TRIP4: variants seen among roughly 807,000 people sequenced by gnomAD.
The protein encoded by TRIP4 is thyroid hormone receptor interactor 4, also known as activating signal cointegrator 1.
Under a neutral mutation model 81.8 loss-of-function variants are expected in TRIP4, and 54 were observed. The ratio of observed to expected loss-of-function variants is 0.66; its 90% CI spans 0.53 to 0.83. TRIP4 has a LOEUF of 0.83. Ranked by LOEUF, TRIP4 falls within the 40% of genes least tolerant of loss-of-function variation. The pLI is 0.00. For missense variants in TRIP4, 662 were observed against 683.6 expected, an observed-to-expected ratio of 0.97 and a Z score of 0.35; for synonymous variants, 270 against 242.8, an observed-to-expected ratio of 1.11 and a Z score of -1.04.
chr15:64,445,667 C>CAA (rs34704960), intron 12 of TRIP4, among the ~76,000 whole-genome samples: 2,147 of 76,230 alleles, frequency 0.028, 84 homozygotes, highest in African/African-American at 0.038. Context: ...CACTCAGTCT[C>CAA]AAAAAAAAAA....
At chr15:64,419,604 C>A (rs557664733) in intron 9 of TRIP4, among the ~76,000 whole-genome samples, 1 of 151,856 alleles carries the variant, frequency 6.6e-6, no homozygotes, top group Non-Finnish European at 1.5e-5. Flanking sequence ...GTGATCCGCC[C>A]GCCTCGGCCT....
intron 11 of TRIP4, among the ~76,000 whole-genome samples, chr15:64,442,776 T>G (rs1596361760): frequency 1.3e-5 from 2 of 151,516 alleles, no homozygotes; most frequent in Middle Eastern, 3.4e-3. Flanking sequence ...TTACCTGAGG[T>G]CAGGAGTTCA....
intron 6 of TRIP4, among the ~76,000 whole-genome samples, chr15:64,408,371 G>A (rs1051089484): frequency 1.2e-4 from 17 of 141,808 alleles, no homozygotes; most frequent in Admixed American, 3.8e-4. Context: ...CCATTCTCCC[G>A]CCTCAGCCTC....
In TRIP4 at chr15:64,395,460, A is replaced by G; in HGVS notation, c.334A>G (p.Arg112Gly). The G allele has an allele frequency of 1.9e-6, 3 of 1,614,044 alleles. No homozygotes were observed. Among genetic ancestry groups the G allele is most frequent in the Non-Finnish European group, 2.5e-6 (3 of 1,179,990 alleles). The part of the protein sequence containing the change: ...LKRGRKKGRN[R>G]QEVPAFTEPD... ...GCGGGGTAGGAAGAAAGGGAGAAAC[A>G]GACAGGAAGTTCCTGCATTTACTGA... is the stretch of plus-strand genomic sequence containing the variant. Residue 112 changes from arginine to glycine, a missense_variant, in exon 3 of 13, where the codon AGA (arginine) becomes GGA (glycine). Transcript: ENST00000261884.
chr15:64,409,832 AG>A lies in TRIP4; in HGVS notation c.1043+5del. 6.2e-7 allele frequency: 1 copy of A among 1,613,560 alleles called. No individual in the cohort carries two copies. ...CACTAGCAGAGTATCATAGCAGGTA[AG>A]TGAGCAGCACTAGAAAGGGTCTCAA... On this transcript the variant is annotated splice_donor_5th_base_variant and intron_variant, in intron 7 of 12. Coordinates refer to ENST00000261884, the MANE Select transcript of TRIP4 (RefSeq NM_016213.5).
rs371926650 is a variant in TRIP4 at position 64,424,891 on chromosome 15, T to C, written c.1484-649T>C. On this transcript the variant is annotated intron_variant, in intron 10 of 12. Transcript: ENST00000261884. The stretch of plus-strand genomic sequence containing the variant: ...TCCAGGTTCAAGTGATTCTCCTGCC[T>C]CAGCCTTCCGAGTAGCTGGGACCAC... 3.9e-5 allele frequency among the ~76,000 whole-genome samples: 6 copies of C among 152,320 alleles called. No homozygotes were observed. In the South Asian group the frequency reaches 6.2e-4, roughly 16 times the overall value.
At chr15:64,396,259 C>G (rs1030416638) in intron 3 of TRIP4, among the ~76,000 whole-genome samples, 5 of 129,422 alleles carry the variant, frequency 3.9e-5, no homozygotes, top group African/African-American at 1.4e-4. Context: ...ACTCTTGTAT[C>G]TAGCTGCTTT....
intron 7 of TRIP4, among the ~76,000 whole-genome samples, chr15:64,410,140 C>G (rs1232945485): frequency 6.6e-6 from 1 of 151,522 alleles, no homozygotes; most frequent in African/African-American, 2.4e-5. Flanking sequence ...ATTCTCCTGC[C>G]TCAGCCCCTT....
chr15:64,416,935 T>C (rs2140296559), intron 8 of TRIP4, among the ~76,000 whole-genome samples: 1 of 152,334 alleles, frequency 6.6e-6, no homozygotes, highest in South Asian at 2.1e-4. Context: ...TTTGAAAAAC[T>C]GAAATCTTTA....
chr15:64,415,275 T>A (rs1566977441), intron 8 of TRIP4, among the ~76,000 whole-genome samples: 1 of 152,016 alleles, frequency 6.6e-6, no homozygotes, highest in Non-Finnish European at 1.5e-5. Flanking sequence ...GTACAACACA[T>A]ACAAAGGCTC....
rs537215048 is a variant in TRIP4, at chr15:64,408,777, C to A, written c.828-836C>A. Among the ~76,000 whole-genome samples, 8 of 152,218 alleles carry A rather than the reference C, an allele frequency of 5.3e-5. No individual in the cohort carries two copies. The South Asian group carries it at 1.5e-3, about 28-fold the overall frequency. The stretch of plus-strand genomic sequence containing the variant: ...GAGAGTTAGACCATCAAGATTCCTT[C>A]CAGGTTTTAGTGTCTCTGTCAGTAT... On this transcript the variant is annotated intron_variant, in intron 6 of 12. Coordinates refer to ENST00000261884, the MANE Select transcript of TRIP4 (RefSeq NM_016213.5).
At chr15:64,393,664 A>T (rs1471892746) in intron 1 of TRIP4, 2 of 209,978 alleles carry the variant, frequency 9.5e-6, no homozygotes, top group African/African-American at 2.3e-5. Context: ...TATTTATTGT[A>T]GGAAAAAAGA....
chr15:64,408,379 C>A (rs1339567548), intron 6 of TRIP4, among the ~76,000 whole-genome samples: 1 of 151,292 alleles, frequency 6.6e-6, no homozygotes, highest in Non-Finnish European at 1.5e-5. Context: ...CCGCCTCAGC[C>A]TCCTGAGTAG....
chr15:64,392,017 G>A (rs1900147777), intron 1 of TRIP4, among the ~76,000 whole-genome samples: 2 of 142,768 alleles, frequency 1.4e-5, no homozygotes, highest in South Asian at 4.5e-4. Context: ...GGCTCAGCCT[G>A]TAATTCCAGC....
intron 5 of TRIP4, 27 bp from the exon 6 acceptor site, chr15:64,406,303 C>A: frequency 6.2e-7 from 1 of 1,611,056 alleles, no homozygotes; most frequent in Non-Finnish European, 8.5e-7. Context: ...GAGGCTGACA[C>A]CATTTGACTT....
intron 4 of TRIP4, among the ~76,000 whole-genome samples, chr15:64,400,058 CAT>C (rs1359534918): frequency 2.0e-5 from 3 of 150,502 alleles, no homozygotes; most frequent in Admixed American, 6.6e-5. Flanking sequence ...CTAGATAAAA[CAT>C]ATGTGACTTT....
Position 64,400,837 on chromosome 15 carries a change from G to A in TRIP4, c.697+16G>A, listed in dbSNP as rs1477811257. The A allele has an allele frequency of 1.2e-6, 2 of 1,606,174 alleles. No individual in the cohort carries two copies. Among genetic ancestry groups the A allele is most frequent in the Admixed American group, 1.7e-5 (1 of 59,840 alleles). Reference sequence around the variant, plus strand: ...CTCATGTCAGGTAGACAGCAGTCTTGTAATTGGATCACTGGGATGATGGGT... The same window carrying A: ...CTCATGTCAGGTAGACAGCAGTCTTATAATTGGATCACTGGGATGATGGGT... On this transcript the variant is annotated intron_variant, in intron 5 of 12. Transcript: ENST00000261884.
At chr15:64,404,832 T>G (rs1030610448) in intron 5 of TRIP4, among the ~76,000 whole-genome samples, 3 of 151,474 alleles carry the variant, frequency 2.0e-5, no homozygotes, top group African/African-American at 7.3e-5. Context: ...TCTACAGGCT[T>G]GTACCACCGT....
At chr15:64,394,189 T>A in intron 2 of TRIP4, 74 bp downstream of exon 2, 2 of 1,324,602 alleles carry the variant, frequency 1.5e-6, no homozygotes, top group African/African-American at 1.5e-5. Context: ...ATTATTATTT[T>A]TTTTTTTGCC....
Sources: gnomAD v4.1 joint callset for allele counts (sites outside exome capture counted in the v4.1 genomes callset) on GRCh38, gnomAD v4.1.1 for gene constraint, MANE v1.5 for transcripts, NCBI Gene and HGNC (gene_info 2026-07-23, HGNC 2026-07-21) for gene names.